Variants in LDB3 observed in about 807,000 individuals in gnomAD.
LDB3 encodes the protein LIM domain binding 3.
A neutral mutation model predicts 69.0 loss-of-function variants in LDB3; 49 were observed. The observed-to-expected ratio is 0.71, with a 90% CI of 0.56 to 0.90. The LOEUF is 0.90. LDB3 is among the 40% of genes least tolerant of loss of function. The pLI is 0.00. For synonymous variants in LDB3, 387 were observed against 396.2 expected (o/e 0.98, Z 0.28); for missense variants, 928 against 974.1 (o/e 0.95, Z 0.63).
upstream of LDB3, chr10:86,666,976 G>C (rs1844210051): frequency 2.5e-6 from 1 of 404,136 alleles, no homozygotes; most frequent in South Asian, 1.8e-5. Flanking sequence ...AGGGCATAAG[G>C]CTGGAGTTAG....
intron 5 of LDB3, among the ~76,000 whole-genome samples, chr10:86,685,124 G>A (rs563514184): frequency 7.9e-5 from 12 of 152,308 alleles, no homozygotes; most frequent in African/African-American, 2.9e-4. Context: ...TCTCTTCTGG[G>A]AGGGAGAGGA....
At chr10:86,669,061 C>CAGGCAGGT (rs1844315315) in intron 2 of LDB3, among the ~76,000 whole-genome samples, 3 of 152,124 alleles carry the variant, frequency 2.0e-5, no homozygotes, top group Non-Finnish European at 4.4e-5. Context: ...GGCAGGCAGG[C>CAGGCAGGT]AGGTAGCTGG....
chr10:86,716,651 C>A lies in LDB3; in HGVS notation c.1556C>A (p.Pro519Gln), dbSNP rs1309491635. The A allele has an allele frequency of 3.7e-6, 6 of 1,613,894 alleles. No homozygotes were observed. The highest frequency in any genetic ancestry group is 4.2e-6 in the Non-Finnish European group (5 of 1,179,998). The change falls in exon 10 of 14, where the codon CCA (proline) becomes CAA (glutamine). Residue 519 changes from proline to glutamine, a missense_variant. Physicochemically the swap from Pro to Gln is moderately conservative, Grantham distance 76 (BLOSUM62 -1). Transcript: ENST00000361373. Reference protein sequence around the residue: ...ISKQTLPRGGPAYTPAGPQVP... With the variant: ...ISKQTLPRGGQAYTPAGPQVP... ...AAGCAGACCCTGCCCCGGGGAGGCC[C>A]AGCCTACACCCCAGCGGGTCCTCAG...
chr10:86,680,577 G>A (rs546461807), intron 4 of LDB3, among the ~76,000 whole-genome samples: 112 of 152,310 alleles, frequency 7.4e-4, no homozygotes, highest in Middle Eastern at 6.8e-3. Flanking sequence ...CTCCAGGTGT[G>A]GAGGGGCCTG....
intron 2 of LDB3, among the ~76,000 whole-genome samples, chr10:86,670,360 C>G (rs1039219827): frequency 6.6e-6 from 1 of 152,158 alleles, no homozygotes; most frequent in South Asian, 2.1e-4. Context: ...CTCCCCACCC[C>G]CATGCTTGCA....
chr10:86,699,298 G>GT lies in LDB3; in HGVS notation c.896+6728dup. On this transcript the variant is annotated intron_variant, in intron 7 of 13. Coordinates refer to ENST00000361373, the MANE Select transcript of LDB3 (RefSeq NM_007078.3). The surrounding 1 kb of genome is among the most constrained non-coding windows in gnomAD (Gnocchi z 4.9). Reference sequence around the variant, plus strand: ...CACAGGGAAAGGTTTGAAACGGAACGTAACAGCCCACGTTTTGCCAAATTG... The same window carrying GT: ...CACAGGGAAAGGTTTGAAACGGAACGTTAACAGCCCACGTTTTGCCAAATTG... 6.2e-7 allele frequency: 1 copy of GT among 1,613,296 alleles called. No homozygotes were observed. The highest frequency in any genetic ancestry group is 8.5e-7 in the Non-Finnish European group (1 of 1,179,814).
chr10:86,686,394 T>G (rs1845469264), intron 5 of LDB3, among the ~76,000 whole-genome samples: 1 of 149,696 alleles, frequency 6.7e-6, no homozygotes. Context: ...CCCAGCCCCA[T>G]GCCTGCGCTT....
intron 7 of LDB3, among the ~76,000 whole-genome samples, chr10:86,694,743 G>A (rs552768735): frequency 2.3e-4 from 35 of 152,320 alleles, no homozygotes; most frequent in Non-Finnish European, 4.4e-4. Flanking sequence ...AAAGCAGTGT[G>A]TGTGATCACT....
upstream of LDB3, among the ~76,000 whole-genome samples, chr10:86,668,014 C>T (rs2132318163): frequency 6.6e-6 from 1 of 152,332 alleles, no homozygotes; most frequent in Non-Finnish European, 1.5e-5. Flanking sequence ...GTGAAGGGCC[C>T]ATACTGAGGT....
At chr10:86,708,612 C>T (rs1247536199) in intron 8 of LDB3, among the ~76,000 whole-genome samples, 1 of 152,202 alleles carries the variant, frequency 6.6e-6, no homozygotes, top group East Asian at 1.9e-4. Flanking sequence ...GACCCCTACT[C>T]TGCTGGTCTT....
intron 13 of LDB3, chr10:86,732,431 G>A (rs190544648): frequency 1.3e-4 from 57 of 449,422 alleles, no homozygotes; most frequent in Middle Eastern, 4.0e-4. Flanking sequence ...CTCTGCTTCC[G>A]TCATTAAGAA....
intron 5 of LDB3, among the ~76,000 whole-genome samples, chr10:86,686,786 G>A (rs1435537506): frequency 4.9e-5 from 7 of 142,834 alleles, no homozygotes; most frequent in Non-Finnish European, 9.1e-5. Flanking sequence ...CACCATGGGC[G>A]ACAAAGCGAG....
chr10:86,731,565 C>T (rs1367387039), intron 13 of LDB3, among the ~76,000 whole-genome samples: 1 of 152,108 alleles, frequency 6.6e-6, no homozygotes, highest in African/African-American at 2.4e-5. Context: ...GAAAAATACA[C>T]CATGAAAATT....
intron 9 of LDB3, among the ~76,000 whole-genome samples, chr10:86,711,506 G>A (rs886368254): frequency 6.6e-6 from 1 of 151,972 alleles, no homozygotes; most frequent in East Asian, 1.9e-4. Flanking sequence ...AGCGGAGTCC[G>A]GGGGCGGCTG....
chr10:86,723,595 C>T (rs1847158812), intron 12 of LDB3, among the ~76,000 whole-genome samples: 1 of 152,174 alleles, frequency 6.6e-6, no homozygotes, highest in Non-Finnish European at 1.5e-5. Context: ...AGGGCTTGTC[C>T]TCAGGTGGAG....
At position 86,692,123 on chromosome 10, in the gene LDB3, G is replaced by T. The variant is rs1845794556; in HGVS notation, c.859+58G>T. On this transcript the variant is annotated intron_variant, in intron 6 of 13. Transcript: ENST00000361373. ...AGGGAGATGCTGAGGGGCCACCAGGGACCTGGGCCCAGCACTGCAGAAGCC... is the reference window on the plus strand; with the variant it reads ...AGGGAGATGCTGAGGGGCCACCAGGTACCTGGGCCCAGCACTGCAGAAGCC... The T allele has an allele frequency of 3.8e-6, 6 of 1,593,596 alleles. No homozygotes were observed. In the Admixed American group the frequency reaches 1.0e-4, roughly 27 times the overall value.
At chr10:86,707,488 G>T (rs988887513) in intron 8 of LDB3, among the ~76,000 whole-genome samples, 6 of 152,102 alleles carry the variant, frequency 3.9e-5, no homozygotes, top group African/African-American at 1.4e-4. Context: ...CAGGGGAGAA[G>T]AGCGAAGGCA....
Position 86,716,477 on chromosome 10 carries a change from A to C in LDB3, c.1382A>C (p.Tyr461Ser), listed in dbSNP as rs774224466. The change falls in exon 10 of 14, where the codon TAT (tyrosine) becomes TCT (serine). Residue 461 changes from tyrosine (Y) to serine (S), a missense_variant. Transcript: ENST00000361373. ...TACACTCCATCCCCAGCACCAGCCT[A>C]TACCCCCTCACCTGCCCCCAACTAT... is the stretch of plus-strand genomic sequence containing the variant. ...PTYTPSPAPA[Y>S]TPSPAPNYNP... The C allele has an allele frequency of 1.1e-5, 17 of 1,541,734 alleles. No homozygotes were observed. In the Admixed American group the frequency reaches 1.4e-4, roughly 13 times the overall value.
At chr10:86,709,291 C>T (rs76432571) in intron 8 of LDB3, among the ~76,000 whole-genome samples, 173 of 152,158 alleles carry the variant, frequency 1.1e-3, no homozygotes, top group African/African-American at 3.9e-3. Context: ...CTGGGCCACA[C>T]ATGGGGAAAG....
Sources: allele counts gnomAD v4.1 joint callset (sites outside exome capture counted in the v4.1 genomes callset), GRCh38; gene constraint gnomAD v4.1.1; non-coding constraint Gnocchi (gnomAD v3.1); transcripts MANE v1.5; gene names NCBI Gene and HGNC (gene_info 2026-07-23, HGNC 2026-07-21).